The following FAM83B variants were observed in gnomAD, a reference collection of about 807,000 sequenced individuals.
The protein encoded by FAM83B is protein FAM83B.
FAM83B carries 26 observed loss-of-function variants against 38.8 expected under a neutral mutation model. That is an observed-to-expected ratio of 0.67 (90% CI 0.49 to 0.93). The LOEUF is 0.93. Among genes scored for constraint, FAM83B ranks in the 40% least tolerant of loss-of-function variants. FAM83B has a pLI of 0.00. For missense variants in FAM83B, 1,237 were observed against 1,197.3 expected, an observed-to-expected ratio of 1.03 and a Z score of -0.49; for synonymous variants, 419 against 423.1, an observed-to-expected ratio of 0.99 and a Z score of 0.12.
At chr6:54,847,611 T>G (rs573921170) in intron 1 of FAM83B, among the ~76,000 whole-genome samples, 3 of 144,510 alleles carry the variant, frequency 2.1e-5, no homozygotes, top group South Asian at 4.5e-4. Context: ...TTTTGGCCTA[T>G]TCTGTGTGAT....
At chr6:54,921,868 C>T (rs1447325740) in intron 2 of FAM83B, among the ~76,000 whole-genome samples, 2 of 151,886 alleles carry the variant, frequency 1.3e-5, no homozygotes, top group African/African-American at 4.8e-5. Context: ...ATTATTCTTT[C>T]CCAGGAATGT....
chr6:54,933,759 A>C (rs1265584318), intron 4 of FAM83B, among the ~76,000 whole-genome samples: 2 of 151,876 alleles, frequency 1.3e-5, no homozygotes, highest in Non-Finnish European at 2.9e-5. Flanking sequence ...GCTTACCTCT[A>C]TTTTCAATGA....
intron 1 of FAM83B, among the ~76,000 whole-genome samples, chr6:54,858,635 A>G (rs1343053512): frequency 6.6e-6 from 1 of 152,238 alleles, no homozygotes; most frequent in African/African-American, 2.4e-5. Flanking sequence ...ACAAGAAAAA[A>G]TGAGTCATGC....
chr6:54,877,683 C>A (rs1396313468), intron 2 of FAM83B, among the ~76,000 whole-genome samples: 2 of 152,214 alleles, frequency 1.3e-5, no homozygotes, highest in African/African-American at 4.8e-5. Context: ...AAGCACTTTA[C>A]ATGCATTATC....
intron 1 of FAM83B, among the ~76,000 whole-genome samples, chr6:54,847,917 C>A (rs1241352603): frequency 6.6e-6 from 1 of 152,108 alleles, no homozygotes; most frequent in African/African-American, 2.4e-5. Context: ...TCCAAATTCC[C>A]AGTTACAAAC....
At chr6:54,884,000 T>C (rs967615743) in intron 2 of FAM83B, among the ~76,000 whole-genome samples, 1 of 151,730 alleles carries the variant, frequency 6.6e-6, no homozygotes, top group Non-Finnish European at 1.5e-5. Flanking sequence ...GGAAACCCTG[T>C]CTCTACTAAA....
rs897972916 is a variant in FAM83B at position 54,939,955 on chromosome 6, G to C, written c.984G>C (p.Lys328Asn). The C allele has an allele frequency of 1.3e-5, 21 of 1,613,880 alleles. No homozygotes were observed. The highest frequency in any genetic ancestry group is 1.8e-5 in the Non-Finnish European group (21 of 1,179,984). ...SQRNLFGRQDKIHKLDSSYFK... is the reference protein window; with the variant it reads ...SQRNLFGRQDNIHKLDSSYFK... ...GAAACCTTTTTGGTAGACAAGACAA[G>C]ATTCATAAACTAGATTCCAGTTACT... The change falls in exon 5 of 5, where the codon AAG (lysine) becomes AAC (asparagine). Residue 328 changes from lysine (K) to asparagine (N), a missense_variant. Physicochemically the swap from Lys to Asn is moderately conservative, Grantham distance 94 (BLOSUM62 0). Transcript: ENST00000306858.
At chr6:54,880,637 G>A (rs1772112842) in intron 2 of FAM83B, among the ~76,000 whole-genome samples, 2 of 151,872 alleles carry the variant, frequency 1.3e-5, no homozygotes, top group Non-Finnish European at 2.9e-5. Flanking sequence ...TAGAGACAGG[G>A]TTTCACCATG....
intron 2 of FAM83B, among the ~76,000 whole-genome samples, chr6:54,901,841 G>T (rs1398463944): frequency 1.3e-5 from 2 of 152,062 alleles, no homozygotes; most frequent in African/African-American, 4.8e-5. Context: ...TCATTTTTAT[G>T]ACAAACAGCT....
In FAM83B at chr6:54,941,651, A is replaced by T; in HGVS notation, c.2680A>T (p.Ile894Phe). The T allele has an allele frequency of 6.2e-7, 1 of 1,614,126 alleles. No homozygotes were observed. Among genetic ancestry groups the T allele is most frequent in the Non-Finnish European group, 8.5e-7 (1 of 1,180,020 alleles). The change falls in exon 5 of 5, where the codon ATC becomes TTC. Residue 894 changes from isoleucine (I) to phenylalanine (F), a missense_variant. By Grantham distance (21) the Ile-to-Phe change is conservative. Coordinates refer to ENST00000306858, the MANE Select transcript of FAM83B (RefSeq NM_001010872.3). Reference protein sequence around the residue: ...ASAPRFNTEQIQYRDSREINA... With the variant: ...ASAPRFNTEQFQYRDSREINA... ...TGCCCCAAGATTTAACACTGAACAGATCCAATACCGAGATTCAAGGGAGAT... is the reference window on the plus strand; with the variant it reads ...TGCCCCAAGATTTAACACTGAACAGTTCCAATACCGAGATTCAAGGGAGAT...
rs190771428 is a variant in FAM83B at position 54,873,910 on chromosome 6, T to C, written c.444+3220T>C. Among the ~76,000 whole-genome samples the C allele has an allele frequency of 3.3e-5, 5 of 152,190 alleles. No individual in the cohort carries two copies. In the East Asian group the frequency reaches 9.6e-4, roughly 29 times the overall value. On this transcript the variant is annotated intron_variant, in intron 2 of 4. Coordinates refer to ENST00000306858, the MANE Select transcript of FAM83B (RefSeq NM_001010872.3). Reference sequence around the variant, plus strand: ...ATAATGCCATTTTATGGAAAAATCTTAAACTAATGAAAATAATATAAAAGT... The same window carrying C: ...ATAATGCCATTTTATGGAAAAATCTCAAACTAATGAAAATAATATAAAAGT...
In FAM83B at chr6:54,941,227, C is replaced by A; in HGVS notation, c.2256C>A (p.Asn752Lys). Reference protein sequence around the residue: ...ALLDVNKEESNKELASKKEVK... With the variant: ...ALLDVNKEESKKELASKKEVK... ...TTGATGTGAATAAAGAGGAATCTAA[C>A]AAAGAACTTGCTTCAAAGAAGGAAG... The change falls in exon 5 of 5, where the codon AAC (asparagine) becomes AAA (lysine). Residue 752 changes from asparagine to lysine, a missense_variant. Physicochemically the swap from Asn to Lys is moderately conservative, Grantham distance 94. Coordinates refer to ENST00000306858, the MANE Select transcript of FAM83B (RefSeq NM_001010872.3). The A allele has an allele frequency of 6.2e-7, 1 of 1,613,388 alleles. No individual in the cohort carries two copies. The highest frequency in any genetic ancestry group is 8.5e-7 in the Non-Finnish European group (1 of 1,179,810).
chr6:54,858,022 G>T (rs1316270980), intron 1 of FAM83B, among the ~76,000 whole-genome samples: 1 of 152,206 alleles, frequency 6.6e-6, no homozygotes, highest in Non-Finnish European at 1.5e-5. Flanking sequence ...CAAACCAACT[G>T]GATATGTGAG....
intron 2 of FAM83B, among the ~76,000 whole-genome samples, chr6:54,881,656 G>A (rs1472767261): frequency 6.6e-6 from 1 of 152,130 alleles, no homozygotes; most frequent in Non-Finnish European, 1.5e-5. Context: ...TGATCATGTA[G>A]TCTTTTTACA....
chr6:54,923,688 C>T (rs1217779108), intron 2 of FAM83B, among the ~76,000 whole-genome samples: 1 of 151,964 alleles, frequency 6.6e-6, no homozygotes, highest in Non-Finnish European at 1.5e-5. Flanking sequence ...GAGTTGAAGA[C>T]CTTGCTTCCC....
At position 54,942,229 on chromosome 6, in the gene FAM83B, A is replaced by G. The variant is rs1773721842; in HGVS notation, c.*222A>G. On this transcript the variant is annotated 3_prime_UTR_variant, in exon 5 of 5. Coordinates refer to ENST00000306858, the MANE Select transcript of FAM83B (RefSeq NM_001010872.3). ...ACATTATTTGTAAGTGGTAATGGTA[A>G]AAATAATAGATGTATTTAAATCATT... Among the ~76,000 whole-genome samples, 1 of 152,200 alleles carries G rather than the reference A, an allele frequency of 6.6e-6. No individual in the cohort carries two copies. Among genetic ancestry groups the G allele is most frequent in the Non-Finnish European group, 1.5e-5 (1 of 68,030 alleles).
chr6:54,848,923 G>A (rs1459566379), intron 1 of FAM83B, among the ~76,000 whole-genome samples: 2 of 152,078 alleles, frequency 1.3e-5, no homozygotes, highest in African/African-American at 2.4e-5. Context: ...AAGTTTGCAC[G>A]TCTGTCCCTT....
chr6:54,892,517 G>C (rs1772429560), intron 2 of FAM83B, among the ~76,000 whole-genome samples: 1 of 151,724 alleles, frequency 6.6e-6, no homozygotes, highest in Non-Finnish European at 1.5e-5. Flanking sequence ...GTGAGAACAT[G>C]TGGTATTTAG....
intron 1 of FAM83B, among the ~76,000 whole-genome samples, chr6:54,858,297 C>T (rs758519985): frequency 4.6e-5 from 7 of 152,100 alleles, no homozygotes; most frequent in Non-Finnish European, 1.0e-4. Flanking sequence ...CCCACCTATC[C>T]GACATTTTCA....
Sources: allele counts gnomAD v4.1 joint callset (sites outside exome capture counted in the v4.1 genomes callset), GRCh38; gene constraint gnomAD v4.1.1; transcripts MANE v1.5; gene names NCBI Gene and HGNC (gene_info 2026-07-23, HGNC 2026-07-21).